GLIS3: variants seen among roughly 807,000 people sequenced by gnomAD.
The protein encoded by GLIS3 is zinc finger protein GLIS3.
In GLIS3, 53 loss-of-function variants were observed where a neutral mutation model predicts 78.6. The ratio of observed to expected loss-of-function variants is 0.67; its 90% CI spans 0.54 to 0.85. The LOEUF (loss-of-function observed/expected upper bound fraction) is 0.85. GLIS3 is among the 40% of genes least tolerant of loss of function. GLIS3 has a pLI of 0.00. For synonymous variants in GLIS3, 684 were observed against 509.9 expected (o/e 1.34, Z -4.60); for missense variants, 1,703 against 1,231.1 (o/e 1.38, Z -5.74).
chr9:4,184,790 T>C (rs1438754960), intron 2 of GLIS3, among the ~76,000 whole-genome samples: 1 of 152,164 alleles, frequency 6.6e-6, no homozygotes, highest in South Asian at 2.1e-4. Context: ...TGTAAGTAGA[T>C]TATTGTGGGG....
chr9:4,016,659 G>C (rs186451196), intron 4 of GLIS3, among the ~76,000 whole-genome samples: 3 of 152,254 alleles, frequency 2.0e-5, no homozygotes, highest in East Asian at 3.9e-4. Flanking sequence ...GGAAGGCTCT[G>C]ATGTCTTTCC....
chr9:4,325,468 A>T (rs552506938), intron 2 of GLIS3, among the ~76,000 whole-genome samples: 1 of 152,342 alleles, frequency 6.6e-6, no homozygotes, highest in East Asian at 1.9e-4. Context: ...GAGCCCACTG[A>T]AATTTTTCAC....
chr9:3,865,652 T>C (rs530656770), intron 8 of GLIS3, among the ~76,000 whole-genome samples: 24 of 152,360 alleles, frequency 1.6e-4, no homozygotes, highest in African/African-American at 5.8e-4. Context: ...TAAGCCTTTC[T>C]TGTTACTGTC....
At chr9:3,890,545 CG>C (rs1296302589) in intron 7 of GLIS3, among the ~76,000 whole-genome samples, 6 of 152,040 alleles carry the variant, frequency 3.9e-5, no homozygotes, top group African/African-American at 9.7e-5. Flanking sequence ...TGCCAATTGC[CG>C]GGGAGTGTAC....
intron 6 of GLIS3, among the ~76,000 whole-genome samples, chr9:3,908,650 C>T (rs1187888324): frequency 3.5e-5 from 5 of 144,014 alleles, no homozygotes; most frequent in Non-Finnish European, 6.0e-5. Context: ...CCTAACAATG[C>T]GGGGATTTTT....
chr9:4,395,315 G>C, the GLIS3 span, among the ~76,000 whole-genome samples: 1 of 152,182 alleles, frequency 6.6e-6, no homozygotes, highest in Non-Finnish European at 1.5e-5. Context: ...TGAGTCTTGT[G>C]TGTAGTGTGG....
chr9:3,856,211 A>C, intron 8 of GLIS3, 27 bp from the exon 9 acceptor site: 1 of 1,599,894 alleles, frequency 6.3e-7, no homozygotes. Context: ...AAAAGGAAAC[A>C]TGAGGGACAT....
At chr9:4,320,727 A>T (rs954703004) in intron 2 of GLIS3, among the ~76,000 whole-genome samples, 3 of 151,742 alleles carry the variant, frequency 2.0e-5, no homozygotes, top group African/African-American at 7.3e-5. Context: ...CACTGCCAGC[A>T]CCCCGGGAAC....
At chr9:3,905,127 C>T (rs1228289810) in intron 6 of GLIS3, among the ~76,000 whole-genome samples, 1 of 149,430 alleles carries the variant, frequency 6.7e-6, no homozygotes, top group Non-Finnish European at 1.5e-5. Flanking sequence ...CGCCTGCCGC[C>T]ACGCCCGGTT....
Position 4,285,746 on chromosome 9 carries a change from C to T in GLIS3, c.388+292G>A, listed in dbSNP as rs145512475. On this transcript the variant is annotated intron_variant, in intron 2 of 10. Coordinates refer to ENST00000381971, the MANE Select transcript of GLIS3 (RefSeq NM_001042413.2). ...CATGATCTTGCTAACCTAGCTCTTA[C>T]CCTTCCACCACAACCACTCAGCCTG... 8.8e-3 allele frequency: 3,715 copies of T among 423,298 alleles called. 25 individuals carry two copies. The highest frequency in any genetic ancestry group is 0.012 in the Non-Finnish European group (2,811 of 228,026). 26.2% of individuals were successfully genotyped at this position (423,298 alleles called of 1,614,324 possible).
At chr9:3,838,707 C>CA (rs1563763475) in intron 9 of GLIS3, among the ~76,000 whole-genome samples, 4 of 150,244 alleles carry the variant, frequency 2.7e-5, no homozygotes, top group Non-Finnish European at 4.4e-5. Flanking sequence ...ACCAACTACA[C>CA]TAAACAGTCT....
chr9:4,445,883 C>T, the GLIS3 span, among the ~76,000 whole-genome samples: 2 of 152,186 alleles, frequency 1.3e-5, no homozygotes, highest in African/African-American at 4.8e-5. Context: ...GGAAATGGAC[C>T]TGTGCCATCC....
At chr9:4,264,404 G>T (rs891013846) in intron 2 of GLIS3, among the ~76,000 whole-genome samples, 2 of 152,036 alleles carry the variant, frequency 1.3e-5, no homozygotes, top group African/African-American at 4.8e-5. Context: ...TTTCCCATCC[G>T]GACTATTCTC....
intron 2 of GLIS3, among the ~76,000 whole-genome samples, chr9:4,193,876 G>A (rs1414653484): frequency 6.6e-6 from 1 of 152,184 alleles, no homozygotes; most frequent in Non-Finnish European, 1.5e-5. Context: ...GCCAAATATG[G>A]ACTTTGTTTC....
At chr9:4,390,192 G>A in the GLIS3 span, among the ~76,000 whole-genome samples, 52 of 152,334 alleles carry the variant, frequency 3.4e-4, no homozygotes, top group African/African-American at 9.6e-4. Context: ...GAATAAAGTT[G>A]GAGGGGGAAA....
intron 2 of GLIS3, among the ~76,000 whole-genome samples, chr9:4,151,763 G>A (rs1352059073): frequency 6.6e-6 from 1 of 152,074 alleles, no homozygotes; most frequent in East Asian, 1.9e-4. Context: ...GAGTCCTGTG[G>A]CACAGAGACC....
chr9:3,849,753 C>CA (rs1162545641), intron 9 of GLIS3, among the ~76,000 whole-genome samples: 3 of 151,952 alleles, frequency 2.0e-5, no homozygotes, highest in Non-Finnish European at 2.9e-5. Context: ...ACTAAAAATA[C>CA]AAAAAATTAG....
chr9:4,083,604 C>T lies in GLIS3; in HGVS notation c.1710+34164G>A, dbSNP rs1208816312. 3.9e-5 allele frequency among the ~76,000 whole-genome samples: 6 copies of T among 152,138 alleles called. No individual in the cohort carries two copies. The South Asian group carries it at 1.0e-3, about 26-fold the overall frequency. On this transcript the variant is annotated intron_variant, in intron 4 of 10. Transcript: ENST00000381971. ...TAGGTAGGAACTTTTTAGTTAAAAT[C>T]GGAGTTATTTTTTATGTTCCTTCTT...
intron 4 of GLIS3, among the ~76,000 whole-genome samples, chr9:4,064,287 A>G (rs1256445219): frequency 6.6e-6 from 1 of 152,200 alleles, no homozygotes. Flanking sequence ...AAAGTATTAG[A>G]AAACACAGAT....
Sources: gnomAD v4.1 joint callset for allele counts (sites outside exome capture counted in the v4.1 genomes callset) on GRCh38, gnomAD v4.1.1 for gene constraint, MANE v1.5 for transcripts, NCBI Gene and HGNC (gene_info 2026-07-23, HGNC 2026-07-21) for gene names.